POMT1: variants seen among roughly 807,000 people sequenced by gnomAD.
POMT1 encodes the protein protein O-mannosyl-transferase 1.
In POMT1, 85 loss-of-function variants were observed where a neutral mutation model predicts 101.6. The ratio of observed to expected loss-of-function variants is 0.84; its 90% CI spans 0.70 to 1.00. The LOEUF (loss-of-function observed/expected upper bound fraction) is 1.00, where lower values mean the gene tolerates loss of function less well. Ranked by LOEUF, POMT1 falls within the 50% of genes least tolerant of loss-of-function variation. POMT1 has a pLI of 0.00. For missense variants in POMT1, 857 were observed against 930.4 expected, an observed-to-expected ratio of 0.92 and a Z score of 1.03; for synonymous variants, 371 against 383.0, an observed-to-expected ratio of 0.97 and a Z score of 0.37.
chr9:131,512,814 G>A (rs1947412915), intron 11 of POMT1, among the ~76,000 whole-genome samples: 1 of 152,144 alleles, frequency 6.6e-6, no homozygotes, highest in Non-Finnish European at 1.5e-5. Flanking sequence ...GTTTCACCAT[G>A]TTGGCCAGGC....
At chr9:131,505,056 G>A (rs544799636) in intron 2 of POMT1, among the ~76,000 whole-genome samples, 156 of 147,220 alleles carry the variant, frequency 1.1e-3, no homozygotes, top group African/African-American at 3.2e-3. Context: ...GATTACAGGC[G>A]TGAGCCACTC....
chr9:131,518,541 A>G lies in POMT1; in HGVS notation c.1365+4A>G. 6.2e-7 allele frequency: 1 copy of G among 1,612,352 alleles called. No homozygotes were observed. Among genetic ancestry groups the G allele is most frequent in the African/African-American group, 1.3e-5 (1 of 75,038 alleles). ...GAACACTTCCGCTGTCTTAAAGGTA[A>G]GGACACTGTCCGTGGCTTGGCCTGT... On this transcript the variant is annotated splice_donor_region_variant and intron_variant, in intron 14 of 19. Coordinates refer to ENST00000402686, the MANE Select transcript of POMT1 (RefSeq NM_001077365.2).
Position 131,512,102 on chromosome 9 carries a change from G to T in POMT1, c.1048G>T (p.Val350Phe). The T allele has an allele frequency of 6.2e-7, 1 of 1,614,132 alleles. No individual in the cohort carries two copies. The highest frequency in any genetic ancestry group is 8.5e-7 in the Non-Finnish European group (1 of 1,180,018). The part of the protein sequence containing the change: ...QQVTCYPFKD[V>F]NNWWIVKDPR... ...GGTGACCTGTTACCCCTTCAAAGAT[G>T]TCAATAACTGGTGGATTGTAAAGGA... The change falls in exon 11 of 20, where the codon GTC becomes TTC. Residue 350 changes from valine to phenylalanine, a missense_variant. Transcript: ENST00000402686.
Position 131,515,715 on chromosome 9 carries a change from A to C in POMT1, c.1272+193A>C, listed in dbSNP as rs571695392. ...ACTTCCTCACACGGAACACTTCCTC[A>C]CACGGAGCACTTCCTGTAACAGGAC... On this transcript the variant is annotated intron_variant, in intron 13 of 19. Coordinates refer to ENST00000402686, the MANE Select transcript of POMT1 (RefSeq NM_001077365.2). 4.0e-3 allele frequency among the ~76,000 whole-genome samples: 587 copies of C among 145,006 alleles called. 10 individuals carry two copies. Among genetic ancestry groups the C allele is most frequent in the African/African-American group, 0.014 (570 of 39,360 alleles).
chr9:131,510,555 G>A, intron 9 of POMT1, 140 bp downstream of exon 9: 1 of 1,190,798 alleles, frequency 8.4e-7, no homozygotes, highest in Admixed American at 2.0e-5. Flanking sequence ...TTTTTTGGTG[G>A]GGGGGATGGA....
rs779212171 is a variant in POMT1 at position 131,506,435 on chromosome 9, TG to T, written c.264del (p.Trp88Ter). 1 of 1,612,818 alleles carries T rather than the reference TG, an allele frequency of 6.2e-7. No homozygotes were observed. Among genetic ancestry groups the T allele is most frequent in the Non-Finnish European group, 8.5e-7 (1 of 1,178,736 alleles). ...YLGGFDGNFL[W>X]NRIGAEYSSN... The stretch of plus-strand genomic sequence containing the variant: ...AGGAGGATTCGATGGCAATTTTTTG[TG>T]GAACAGAATTGGAGCAGGTAAAAGA... On this transcript the variant is annotated frameshift_variant, in exon 4 of 20. Transcript: ENST00000402686. LOFTEE classifies it high-confidence loss of function.
Position 131,510,426 on chromosome 9 carries a change from A to G in POMT1, c.855+11A>G, listed in dbSNP as rs775554673. The G allele has an allele frequency of 6.2e-7, 1 of 1,613,336 alleles. No homozygotes were observed. On this transcript the variant is annotated intron_variant, in intron 9 of 19. Transcript: ENST00000402686. Reference sequence around the variant, plus strand: ...CAGGCCAGCTTAGAGGTAAGTAAGCAGTGGGCATCGTGGCCACTGGAGAAG... The same window carrying G: ...CAGGCCAGCTTAGAGGTAAGTAAGCGGTGGGCATCGTGGCCACTGGAGAAG...
At chr9:131,509,664 G>T (rs1588372059) in intron 6 of POMT1, 79 bp from the exon 7 acceptor site, 1 of 1,612,980 alleles carries the variant, frequency 6.2e-7, no homozygotes, top group East Asian at 2.2e-5. Context: ...AGATTTCTCT[G>T]AAGAATGTGG....
At chr9:131,504,096 TCTC>T (rs1387306040) in intron 1 of POMT1, 90 bp from the exon 2 acceptor site, 6 of 1,466,112 alleles carry the variant, frequency 4.1e-6, no homozygotes, top group Non-Finnish European at 1.9e-6. Context: ...GTGCTGTGGT[TCTC>T]CTCGTGTGTC....
chr9:131,510,562 T>C, intron 9 of POMT1, 147 bp downstream of exon 9: 3 of 1,125,278 alleles, frequency 2.7e-6, no homozygotes, highest in Non-Finnish European at 3.9e-6. Flanking sequence ...GTGGGGGGGA[T>C]GGAGTCTTAC....
At position 131,515,475 on chromosome 9, in the gene POMT1, T is replaced by A. The variant is rs1461159669; in HGVS notation, c.1225T>A (p.Tyr409Asn). ...LSPHSQEVSC[Y>N]IDYNISMPAQ... ...CCCCCATTCACAGGAGGTCTCCTGC[T>A]ACATTGACTATAACATCTCCATGCC... The change falls in exon 13 of 20, where the codon TAC (tyrosine) becomes AAC (asparagine). Residue 409 changes from tyrosine to asparagine, a missense_variant. Coordinates refer to ENST00000402686, the MANE Select transcript of POMT1 (RefSeq NM_001077365.2). The A allele has an allele frequency of 6.2e-7, 1 of 1,614,228 alleles. No homozygotes were observed. Among genetic ancestry groups the A allele is most frequent in the Admixed American group, 1.7e-5 (1 of 60,024 alleles).
Position 131,513,349 on chromosome 9 carries a change from C to G in POMT1, c.1175+18C>G. On this transcript the variant is annotated intron_variant, in intron 12 of 19. Transcript: ENST00000402686. ...CTGAACACGTGAGTGTGCCCGCCGT[C>G]TGCTCTGCTGCACCTGTGGGTTTCC... 1 of 1,602,292 alleles carries G rather than the reference C, an allele frequency of 6.2e-7. No individual in the cohort carries two copies. Among genetic ancestry groups the G allele is most frequent in the Non-Finnish European group, 8.5e-7 (1 of 1,175,118 alleles).
chr9:131,504,307 G>A lies in POMT1; in HGVS notation c.89G>A (p.Arg30Gln), dbSNP rs1281839751. ...VALTGMGLLS[R>Q]LWRLTYPRAV... ...CTGACTGGGATGGGGTTACTGAGCC[G>A]GCTGTGGCGACTCACCTACCCGCGG... is the stretch of plus-strand genomic sequence containing the variant. The change falls in exon 2 of 20, where the codon CGG becomes CAG. Residue 30 changes from arginine (R) to glutamine (Q), a missense_variant. By Grantham distance (43) the Arg-to-Gln change is conservative. Coordinates refer to ENST00000402686, the MANE Select transcript of POMT1 (RefSeq NM_001077365.2). The A allele has an allele frequency of 1.2e-6, 2 of 1,614,224 alleles. No individual in the cohort carries two copies. The highest frequency in any genetic ancestry group is 1.1e-5 in the South Asian group (1 of 91,086).
intron 10 of POMT1, 167 bp from the exon 11 acceptor site, chr9:131,511,874 C>A: frequency 2.8e-6 from 2 of 712,838 alleles, no homozygotes; most frequent in Non-Finnish European, 4.8e-6. Context: ...CTTTCCCTTT[C>A]TTTTCTTTTT....
At chr9:131,518,785 C>T (rs751456086) in intron 14 of POMT1, 52 bp from the exon 15 acceptor site, 14 of 1,613,392 alleles carry the variant, frequency 8.7e-6, no homozygotes, top group African/African-American at 2.7e-5. Flanking sequence ...CAAGTGGACA[C>T]GGGAGCCACG....
At chr9:131,518,633 C>T (rs376097707) in intron 14 of POMT1, 96 bp downstream of exon 14, 8 of 1,405,638 alleles carry the variant, frequency 5.7e-6, no homozygotes, top group African/African-American at 2.8e-5. Flanking sequence ...GCAGGCGGAA[C>T]GCTTCATTTG....
Position 131,522,847 on chromosome 9 carries a change from T to C in POMT1, c.2004-85T>C. 1.7e-5 allele frequency: 24 copies of C among 1,380,642 alleles called. No homozygotes were observed. Among genetic ancestry groups the C allele is most frequent in the Non-Finnish European group, 1.4e-5 (14 of 1,006,936 alleles). 85.5% of individuals were successfully genotyped at this position (1,380,642 alleles called of 1,614,324 possible). A position where few individuals can be genotyped will look rare whatever the true frequency, so the allele number is the denominator to read the frequency against. On this transcript the variant is annotated intron_variant, in intron 19 of 19. Coordinates refer to ENST00000402686, the MANE Select transcript of POMT1 (RefSeq NM_001077365.2). This position sits in a 1 kb window ranked among gnomAD's most constrained non-coding sequence, Gnocchi z 5.5. ...AACCCCAGGCCTCGGGGGGTGACCG[T>C]GTGGACAGCAGATGCCAAGAGGGTG...
At chr9:131,512,218 C>A in intron 11 of POMT1, 82 bp downstream of exon 11, 1 of 1,560,046 alleles carries the variant, frequency 6.4e-7, no homozygotes. Flanking sequence ...GTCCTGGGCC[C>A]CCTTCTTTCC....
chr9:131,520,002 T>C, intron 16 of POMT1, 78 bp from the exon 17 acceptor site: 2 of 1,094,186 alleles, frequency 1.8e-6, no homozygotes, highest in Non-Finnish European at 1.4e-6. Flanking sequence ...GGGGCAGCAG[T>C]GTACTCCTTT....
Sources: allele counts gnomAD v4.1 joint callset (sites outside exome capture counted in the v4.1 genomes callset), GRCh38; gene constraint gnomAD v4.1.1; non-coding constraint Gnocchi (gnomAD v3.1); transcripts MANE v1.5; gene names NCBI Gene and HGNC (gene_info 2026-07-23, HGNC 2026-07-21).